The following RECQL variants were observed in gnomAD, a reference collection of about 807,000 sequenced individuals.
The protein encoded by RECQL is RecQ like helicase, also known as ATP-dependent DNA helicase Q1.
RECQL carries 73 observed loss-of-function variants against 75.8 expected under a neutral mutation model. That is an observed-to-expected ratio of 0.96 (90% CI 0.80 to 1.17). RECQL has a LOEUF of 1.17. RECQL is among the 50% of genes most tolerant of loss of function. The pLI is 0.00. For missense variants in RECQL, 699 were observed against 772.1 expected, an observed-to-expected ratio of 0.91 and a Z score of 1.12; for synonymous variants, 248 against 254.4, an observed-to-expected ratio of 0.97 and a Z score of 0.24.
rs1471298807 is a variant in RECQL at position 21,491,410 on chromosome 12, G to A, written c.214+109C>T. ...TCCCATTCCACTGGAGAAATGGCCA[G>A]TTTCACCTCTAAGCCTACTGGAAAG... On this transcript the variant is annotated intron_variant, in intron 3 of 14. Coordinates refer to ENST00000444129, the MANE Select transcript of RECQL (RefSeq NM_002907.4). 3.7e-6 allele frequency: 4 copies of A among 1,084,214 alleles called. No homozygotes were observed. In the African/African-American group the frequency reaches 4.9e-5, roughly 13 times the overall value. 67.2% of individuals were successfully genotyped at this position (1,084,214 alleles called of 1,614,324 possible). A position where few individuals can be genotyped will look rare whatever the true frequency, so the allele number is the denominator to read the frequency against.
Position 21,476,987 on chromosome 12 carries a change from C to T in RECQL, c.873G>A (p.Arg291=), listed in dbSNP as rs761616474. The T allele has an allele frequency of 1.9e-6, 3 of 1,602,990 alleles. No individual in the cohort carries two copies. Among genetic ancestry groups the T allele is most frequent in the Non-Finnish European group, 2.6e-6 (3 of 1,175,490 alleles). Reference sequence around the variant, plus strand: ...AATCTTCAGTGTTTGAGGGCTTCTGCCGAACCTAAAAAAAACTTAACTTAT... The same window carrying T: ...AATCTTCAGTGTTTGAGGGCTTCTGTCGAACCTAAAAAAAACTTAACTTAT... ...FNRPNLYYEV[R]QKPSNTEDFI... The change falls in exon 8 of 15, where the codon CGG becomes CGA. Residue 291 remains arginine (R), a synonymous_variant. Coordinates refer to ENST00000444129, the MANE Select transcript of RECQL (RefSeq NM_002907.4).
intron 4 of RECQL, among the ~76,000 whole-genome samples, chr12:21,488,242 C>T (rs1278715203): frequency 6.6e-6 from 1 of 152,204 alleles, no homozygotes; most frequent in Non-Finnish European, 1.5e-5. Flanking sequence ...CTATTAACTA[C>T]TCCCTCATTC....
rs1030848430 is a variant in RECQL at position 21,478,076 on chromosome 12, A to G, written c.701-107T>C. The stretch of plus-strand genomic sequence containing the variant: ...CGATGACTACTATGATTTTGTTTCC[A>G]CAGCCATCTATAGCAGTAAATTTGC... On this transcript the variant is annotated intron_variant, in intron 6 of 14. Transcript: ENST00000444129. The G allele has an allele frequency of 3.4e-5, 38 of 1,117,664 alleles. No individual in the cohort carries two copies. The African/African-American group carries it at 4.9e-4, about 14-fold the overall frequency. 69.2% of individuals were successfully genotyped at this position (1,117,664 alleles called of 1,614,324 possible).
chr12:21,473,434 A>C (rs1943021832), intron 12 of RECQL, 117 bp downstream of exon 12: 1 of 755,156 alleles, frequency 1.3e-6, no homozygotes, highest in Non-Finnish European at 2.2e-6. Context: ...ATGTAAGTAC[A>C]CTTTGATGTT....
At chr12:21,473,488 A>T in intron 12 of RECQL, 63 bp downstream of exon 12, 1 of 1,239,892 alleles carries the variant, frequency 8.1e-7, no homozygotes. Flanking sequence ...CTCAGAACGT[A>T]TCTCTGTCAC....
At chr12:21,491,243 T>G (rs988558491) in intron 3 of RECQL, among the ~76,000 whole-genome samples, 2 of 152,212 alleles carry the variant, frequency 1.3e-5, no homozygotes, top group African/African-American at 2.4e-5. Flanking sequence ...CTTAACTGTT[T>G]GTTAATGTAG....
intron 2 of RECQL, among the ~76,000 whole-genome samples, chr12:21,493,827 A>G (rs1158018073): frequency 2.0e-5 from 3 of 152,186 alleles, no homozygotes; most frequent in Non-Finnish European, 2.9e-5. Context: ...TCAGTGCTTT[A>G]AGATCCAGAA....
At chr12:21,494,073 G>A (rs961013640) in intron 2 of RECQL, among the ~76,000 whole-genome samples, 5 of 152,188 alleles carry the variant, frequency 3.3e-5, no homozygotes, top group Non-Finnish European at 7.3e-5. Context: ...ACCCCAGGAA[G>A]CTTCCAATCA....
chr12:21,476,523 T>C (rs1395619043), intron 8 of RECQL, among the ~76,000 whole-genome samples: 1 of 152,120 alleles, frequency 6.6e-6, no homozygotes, highest in African/African-American at 2.4e-5. Flanking sequence ...ATTTATTTAT[T>C]GCTTTAACGT....
chr12:21,486,463 A>G lies in RECQL; in HGVS notation c.501+16T>C, dbSNP rs1565570937. On this transcript the variant is annotated intron_variant, in intron 5 of 14. Transcript: ENST00000444129. Reference sequence around the variant, plus strand: ...GAATAGTTTACATTAAAAAAAAAAAAGCCACTGAAACATACCTTAGAACTA... The same window carrying G: ...GAATAGTTTACATTAAAAAAAAAAAGGCCACTGAAACATACCTTAGAACTA... 1 of 1,545,042 alleles carries G rather than the reference A, an allele frequency of 6.5e-7. No individual in the cohort carries two copies. Among genetic ancestry groups the G allele is most frequent in the Non-Finnish European group, 8.7e-7 (1 of 1,151,702 alleles).
Position 21,496,745 on chromosome 12 carries a change from C to T in RECQL, c.16+2810G>A, listed in dbSNP as rs571078027. Among the ~76,000 whole-genome samples, 3 of 152,332 alleles carry T rather than the reference C, an allele frequency of 2.0e-5. No individual in the cohort carries two copies. The South Asian group carries it at 6.2e-4, about 32-fold the overall frequency. Reference sequence around the variant, plus strand: ...GATAAGTTTCTATATCTGGCCCCTCCTATTACTAAGAGAGCAGCACAGAGC... The same window carrying T: ...GATAAGTTTCTATATCTGGCCCCTCTTATTACTAAGAGAGCAGCACAGAGC... On this transcript the variant is annotated intron_variant, in intron 2 of 14. Transcript: ENST00000444129.
In RECQL at chr12:21,483,495, A is replaced by G. The variant is rs754200566; in HGVS notation, c.581T>C (p.Ile194Thr). 4.4e-6 allele frequency: 7 copies of G among 1,587,288 alleles called. No individual in the cohort carries two copies. Among genetic ancestry groups the G allele is most frequent in the East Asian group, 2.3e-5 (1 of 44,174 alleles). ...LKLIYVTPEKIAKSKMFMSRL... is the reference protein window; with the variant it reads ...LKLIYVTPEKTAKSKMFMSRL... ...TGACATAAACATTTTGCTTTTTGCA[A>G]TTTTCTCTGGAGTCACATAAATCAG... is the stretch of plus-strand genomic sequence containing the variant. The change falls in exon 6 of 15, where the codon ATT (isoleucine) becomes ACT (threonine). Residue 194 changes from isoleucine to threonine, a missense_variant. Ile to Thr is a moderately conservative substitution (Grantham distance 89, BLOSUM62 -1). Transcript: ENST00000444129.
intron 6 of RECQL, among the ~76,000 whole-genome samples, chr12:21,480,779 C>T (rs1383389047): frequency 6.6e-6 from 1 of 152,128 alleles, no homozygotes; most frequent in Admixed American, 6.5e-5. Flanking sequence ...CTTTGGAGAA[C>T]CAGCTTTATC....
chr12:21,475,926 G>A, intron 8 of RECQL, 102 bp from the exon 9 acceptor site: 1 of 935,182 alleles, frequency 1.1e-6, no homozygotes, highest in Non-Finnish European at 1.6e-6. Flanking sequence ...ATGCACAGAA[G>A]GAAAAAAAGA....
At chr12:21,486,649 C>A in intron 4 of RECQL, 64 bp from the exon 5 acceptor site, 3 of 372,380 alleles carry the variant, frequency 8.1e-6, no homozygotes, top group Non-Finnish European at 9.5e-6. Flanking sequence ...CAGATGCAAA[C>A]CATTCACGTT....
intron 8 of RECQL, 53 bp from the exon 9 acceptor site, chr12:21,475,877 T>TA (rs1943078569): frequency 2.1e-6 from 3 of 1,419,568 alleles, no homozygotes; most frequent in Admixed American, 1.7e-5. Context: ...TCCTGGAAGA[T>TA]GGTTTTCAAC....
At chr12:21,472,350 CA>C (rs1942990878) in intron 12 of RECQL, among the ~76,000 whole-genome samples, 1 of 152,012 alleles carries the variant, frequency 6.6e-6, no homozygotes, top group Non-Finnish European at 1.5e-5. Context: ...GAGAGCAAGC[CA>C]ACAGAGTAAA....
intron 2 of RECQL, among the ~76,000 whole-genome samples, chr12:21,492,004 G>A (rs746799443): frequency 6.6e-6 from 1 of 152,160 alleles, no homozygotes; most frequent in Non-Finnish European, 1.5e-5. Flanking sequence ...AAGAGCTAGT[G>A]AGATAATATA....
chr12:21,478,046 A>C, intron 6 of RECQL, 77 bp from the exon 7 acceptor site: 1 of 1,385,484 alleles, frequency 7.2e-7, no homozygotes, highest in Non-Finnish European at 9.8e-7. Flanking sequence ...CATTATGCAG[A>C]TAATCGATGA....
Sources: gnomAD v4.1 joint callset for allele counts (sites outside exome capture counted in the v4.1 genomes callset) on GRCh38, gnomAD v4.1.1 for gene constraint, MANE v1.5 for transcripts, NCBI Gene and HGNC (gene_info 2026-07-23, HGNC 2026-07-21) for gene names.